CLIC4: variants seen among roughly 807,000 people sequenced by gnomAD.
CLIC4 encodes the protein CLIC family member 4, also known as chloride intracellular channel protein 4.
In CLIC4, 13 loss-of-function variants were observed where a neutral mutation model predicts 24.6. The observed-to-expected ratio is 0.53, with a 90% CI of 0.34 to 0.84. The LOEUF (loss-of-function observed/expected upper bound fraction) is 0.84, where lower values mean the gene tolerates loss of function less well. Ranked by LOEUF, CLIC4 falls within the 40% of genes least tolerant of loss-of-function variation. The pLI is 0.01. For missense variants in CLIC4, 227 were observed against 301.7 expected (o/e 0.75, Z 1.83); for synonymous variants, 104 against 111.3 (o/e 0.93, Z 0.41).
chr1:24,751,664 A>G (rs1429598487), intron 1 of CLIC4, among the ~76,000 whole-genome samples: 2 of 152,176 alleles, frequency 1.3e-5, no homozygotes, highest in Non-Finnish European at 2.9e-5. Context: ...GGGTTTCTCC[A>G]TCCAGCTTGG....
chr1:24,784,653 T>C (rs1639242933), intron 1 of CLIC4, among the ~76,000 whole-genome samples: 1 of 152,230 alleles, frequency 6.6e-6, no homozygotes, highest in Non-Finnish European at 1.5e-5. Flanking sequence ...GAATTGGTGA[T>C]GCTGAGTAAG....
At position 24,841,951 on chromosome 1, in the gene CLIC4, G is replaced by A. The variant is rs960486259; in HGVS notation, c.*1014G>A. ...TTGTCAAAATATCAAGTAAATTTTT[G>A]TTTCTAAAGTACATTTAATGTAGAT... On this transcript the variant is annotated 3_prime_UTR_variant, in exon 6 of 6. Coordinates refer to ENST00000374379, the MANE Select transcript of CLIC4 (RefSeq NM_013943.3). 2.8e-4 allele frequency: 43 copies of A among 152,550 alleles called. No individual in the cohort carries two copies. Among genetic ancestry groups the A allele is most frequent in the Non-Finnish European group, 1.5e-5 (1 of 67,998 alleles). 9.4% of individuals were successfully genotyped at this position (152,550 alleles called of 1,614,324 possible). A position where few individuals can be genotyped will look rare whatever the true frequency, so the allele number is the denominator to read the frequency against.
rs1281907550 is a variant in CLIC4 at position 24,841,051 on chromosome 1, T to G, written c.*114T>G. 3.6e-6 allele frequency: 3 copies of G among 826,098 alleles called. No homozygotes were observed. The African/African-American group carries it at 5.2e-5, about 14-fold the overall frequency. The allele number at this position is 826,098 out of a possible 1,614,324, so 51.2% of individuals were successfully genotyped here. ...GTATTTTGCACGAACATGCAGTTATTGAAGATTAGGATCAAGGATAGACAA... is the reference window on the plus strand; with the variant it reads ...GTATTTTGCACGAACATGCAGTTATGGAAGATTAGGATCAAGGATAGACAA... On this transcript the variant is annotated 3_prime_UTR_variant, in exon 6 of 6. Transcript: ENST00000374379.
At position 24,820,067 on chromosome 1, in the gene CLIC4, G is replaced by GTATATATATA. The variant is rs751126014; in HGVS notation, c.308+5850_308+5859dup. 1.9e-3 allele frequency among the ~76,000 whole-genome samples: 71 copies of GTATATATATA among 36,452 alleles called. 2 individuals carry two copies. The highest frequency in any genetic ancestry group is 5.2e-3 in the African/African-American group (58 of 11,238). 23.9% of individuals were successfully genotyped at this position (36,452 alleles called of 152,430 possible). A position where few individuals can be genotyped will look rare whatever the true frequency, so the allele number is the denominator to read the frequency against. ...TACTTCAAAAAAAAAAAAAAAGTAT[G>GTATATATATA]TATATATATATGTATATATATATAT... On this transcript the variant is annotated intron_variant, in intron 3 of 5. Transcript: ENST00000374379.
chr1:24,818,538 C>T (rs1450725127), intron 3 of CLIC4, among the ~76,000 whole-genome samples: 2 of 152,108 alleles, frequency 1.3e-5, no homozygotes, highest in African/African-American at 2.4e-5. Context: ...CCGCCCACCT[C>T]GGCCTCTCAA....
Position 24,777,902 on chromosome 1 carries a change from C to T in CLIC4, c.73-19840C>T, listed in dbSNP as rs550082077. The T allele has an allele frequency of 1.1e-4, 17 of 152,276 alleles. No homozygotes were observed. The South Asian group carries it at 1.4e-3, about 13-fold the overall frequency. 9.4% of individuals were successfully genotyped at this position (152,276 alleles called of 1,614,324 possible). ...ATGTGGAATGCTTCACAAATTTGTG[C>T]GTCATTCTTGAACAGGGGCCATGCT... is the stretch of plus-strand genomic sequence containing the variant. On this transcript the variant is annotated intron_variant, in intron 1 of 5. Coordinates refer to ENST00000374379, the MANE Select transcript of CLIC4 (RefSeq NM_013943.3).
intron 1 of CLIC4, among the ~76,000 whole-genome samples, chr1:24,778,221 A>G (rs760715452): frequency 6.6e-5 from 10 of 152,290 alleles, no homozygotes; most frequent in Non-Finnish European, 1.0e-4. Context: ...TTTAAACCTC[A>G]GTTTTGACAC....
At chr1:24,775,220 C>CTTTTTTTTTTTTTTTTT (rs1439553733) in intron 1 of CLIC4, among the ~76,000 whole-genome samples, 1 of 77,034 alleles carries the variant, frequency 1.3e-5, no homozygotes, top group Admixed American at 1.4e-4. Flanking sequence ...TCCTTTCTTT[C>CTTTTTTTTTTTTTTTTT]TTTCTTTTTT....
intron 1 of CLIC4, among the ~76,000 whole-genome samples, chr1:24,790,118 C>A (rs1166601543): frequency 1.3e-5 from 2 of 152,192 alleles, no homozygotes; most frequent in Non-Finnish European, 2.9e-5. Context: ...GTCGCCCAGG[C>A]TGGAGCGCAG....
chr1:24,773,451 A>G (rs1639095916), intron 1 of CLIC4, among the ~76,000 whole-genome samples: 1 of 152,184 alleles, frequency 6.6e-6, no homozygotes, highest in Non-Finnish European at 1.5e-5. Flanking sequence ...TTTGACTTGC[A>G]GAAGCATTTC....
chr1:24,815,572 G>A (rs1639659563), intron 3 of CLIC4, among the ~76,000 whole-genome samples: 1 of 152,186 alleles, frequency 6.6e-6, no homozygotes, highest in Non-Finnish European at 1.5e-5. Context: ...TTTTGCCGAT[G>A]GAGGGTCTTG....
intron 4 of CLIC4, among the ~76,000 whole-genome samples, chr1:24,838,577 C>G (rs962435253): frequency 6.6e-6 from 1 of 152,084 alleles, no homozygotes; most frequent in African/African-American, 2.4e-5. Context: ...CAACTGAATT[C>G]AGACTTAAAA....
chr1:24,755,996 A>ATTTTTTTT (rs972121749), intron 1 of CLIC4, among the ~76,000 whole-genome samples: 7 of 63,394 alleles, frequency 1.1e-4, no homozygotes, highest in South Asian at 5.0e-4. Context: ...TAATTTTTTG[A>ATTTTTTTT]TTTTTTTTTT....
chr1:24,828,096 GA>G (rs1639804655), intron 4 of CLIC4, among the ~76,000 whole-genome samples: 1 of 152,244 alleles, frequency 6.6e-6, no homozygotes, highest in African/African-American at 2.4e-5. Flanking sequence ...GGTTAAACAA[GA>G]ATGAATATCT....
At chr1:24,756,668 G>C (rs879333437) in intron 1 of CLIC4, among the ~76,000 whole-genome samples, 2 of 152,100 alleles carry the variant, frequency 1.3e-5, no homozygotes, top group Admixed American at 1.3e-4. Flanking sequence ...AAGAGAATCT[G>C]AACAAATATT....
At chr1:24,753,054 T>A (rs1422681790) in intron 1 of CLIC4, among the ~76,000 whole-genome samples, 1 of 152,160 alleles carries the variant, frequency 6.6e-6, no homozygotes, top group Non-Finnish European at 1.5e-5. Flanking sequence ...TGGGCTCTAT[T>A]AGTAGGATCA....
intron 1 of CLIC4, among the ~76,000 whole-genome samples, chr1:24,771,589 A>G (rs1023729362): frequency 6.6e-6 from 1 of 152,066 alleles, no homozygotes; most frequent in Middle Eastern, 3.4e-3. Flanking sequence ...GTAAGCATTT[A>G]TTAGTGTTTT....
At chr1:24,829,777 C>G (rs1030934023) in intron 4 of CLIC4, among the ~76,000 whole-genome samples, 5 of 152,168 alleles carry the variant, frequency 3.3e-5, no homozygotes, top group Non-Finnish European at 7.3e-5. Context: ...AGGATCCTCT[C>G]CTTTCTCCTC....
intron 3 of CLIC4, among the ~76,000 whole-genome samples, chr1:24,816,439 T>C (rs1639669805): frequency 6.6e-6 from 1 of 151,952 alleles, no homozygotes. Context: ...GTTGGGGTTT[T>C]GCCATTTTGG....
Sources: allele counts gnomAD v4.1 joint callset (sites outside exome capture counted in the v4.1 genomes callset), GRCh38; gene constraint gnomAD v4.1.1; transcripts MANE v1.5; gene names NCBI Gene and HGNC (gene_info 2026-07-23, HGNC 2026-07-21).